NCAPG2: variants seen among roughly 807,000 people sequenced by gnomAD.
NCAPG2 encodes non-SMC condensin II complex subunit G2.
A neutral mutation model predicts 141.1 loss-of-function variants in NCAPG2; 53 were observed. That is an observed-to-expected ratio of 0.38 (90% CI 0.30 to 0.47). The LOEUF is 0.47. Among genes scored for constraint, NCAPG2 ranks in the 20% least tolerant of loss-of-function variants. The pLI, the probability that NCAPG2 is intolerant of heterozygous loss-of-function variation, is 0.99. For synonymous variants in NCAPG2, 499 were observed against 490.7 expected (o/e 1.02, Z -0.22); for missense variants, 1,087 against 1,389.0 (o/e 0.78, Z 3.46).
At chr7:158,682,378 A>G (rs756896246) in intron 9 of NCAPG2, among the ~76,000 whole-genome samples, 3 of 152,162 alleles carry the variant, frequency 2.0e-5, no homozygotes, top group Non-Finnish European at 2.9e-5. Context: ...TTCATTGAAT[A>G]TATTTATCCT....
At chr7:158,677,204 A>G (rs1834111946) in intron 11 of NCAPG2, among the ~76,000 whole-genome samples, 2 of 152,220 alleles carry the variant, frequency 1.3e-5, no homozygotes, top group South Asian at 2.1e-4. Context: ...AAGAACAAAA[A>G]AAGAGCCAGC....
intron 14 of NCAPG2, 83 bp downstream of exon 14, chr7:158,664,445 T>G: frequency 6.5e-7 from 1 of 1,531,954 alleles, no homozygotes; most frequent in Non-Finnish European, 8.9e-7. Flanking sequence ...GCTTATTAAA[T>G]TGACAAATAC....
At chr7:158,682,434 G>A (rs1834506415) in intron 9 of NCAPG2, among the ~76,000 whole-genome samples, 1 of 152,082 alleles carries the variant, frequency 6.6e-6, no homozygotes, top group Non-Finnish European at 1.5e-5. Context: ...AAACTCAGTA[G>A]TCTAGATAAA....
At chr7:158,692,803 C>A (rs1412129611) in intron 4 of NCAPG2, 39 bp downstream of exon 4, 1 of 1,114,676 alleles carries the variant, frequency 9.0e-7, no homozygotes, top group East Asian at 2.4e-5. Context: ...ATTTCAACAC[C>A]CACTTCTAAA....
chr7:158,636,306 T>C (rs758129368), intron 27 of NCAPG2, among the ~76,000 whole-genome samples: 3 of 152,162 alleles, frequency 2.0e-5, no homozygotes, highest in Admixed American at 6.5e-5. Context: ...GCATTCCTAG[T>C]GAGAAACCAA....
rs149580037 is a variant in NCAPG2, at chr7:158,678,384, A to G, written c.1146+1576T>C. Among the ~76,000 whole-genome samples, 24 of 152,356 alleles carry G rather than the reference A, an allele frequency of 1.6e-4. 1 individual carries two copies. The highest frequency in any genetic ancestry group is 5.3e-4 in the African/African-American group (22 of 41,588). ...CCAGACCCAGCTGGTACCTGCTCCTACACAGCCCACAGTGCTAAGAATGGT... is the reference window on the plus strand; with the variant it reads ...CCAGACCCAGCTGGTACCTGCTCCTGCACAGCCCACAGTGCTAAGAATGGT... On this transcript the variant is annotated intron_variant, in intron 11 of 27. Transcript: ENST00000356309.
intron 15 of NCAPG2, 48 bp from the exon 16 acceptor site, chr7:158,662,415 A>T (rs764404718): frequency 8.2e-6 from 12 of 1,455,936 alleles, no homozygotes; most frequent in Non-Finnish European, 1.1e-5. Context: ...CATAGCAACT[A>T]CTAAAAGGTA....
At chr7:158,665,760 T>C (rs905890920) in intron 13 of NCAPG2, among the ~76,000 whole-genome samples, 3 of 152,090 alleles carry the variant, frequency 2.0e-5, no homozygotes, top group Admixed American at 2.0e-4. Context: ...GACAATGCAG[T>C]CCACCCTCAC....
chr7:158,700,544 T>C (rs1341803906), intron 2 of NCAPG2, among the ~76,000 whole-genome samples: 2 of 152,262 alleles, frequency 1.3e-5, no homozygotes, highest in Non-Finnish European at 2.9e-5. Context: ...TATACACTGC[T>C]ACTGCTAAAG....
At chr7:158,678,503 T>G (rs566788414) in intron 11 of NCAPG2, among the ~76,000 whole-genome samples, 73 of 152,260 alleles carry the variant, frequency 4.8e-4, no homozygotes, top group Middle Eastern at 3.4e-3. Flanking sequence ...CCACAAAATT[T>G]TTTTCTTTTT....
intron 2 of NCAPG2, 131 bp downstream of exon 2, chr7:158,701,691 T>A: frequency 1.2e-6 from 1 of 832,440 alleles, no homozygotes; most frequent in Non-Finnish European, 1.9e-6. Context: ...TTTTGTTTTC[T>A]TCTTTCAAAT....
chr7:158,651,092 T>C lies in NCAPG2; in HGVS notation c.2935-120A>G, dbSNP rs184475162. ...CCCCCAGGACTCAAGGAGTCACTGA[T>C]CTTGTTTGCCTGCTACCAGTGCCCA... On this transcript the variant is annotated intron_variant, in intron 23 of 27. Coordinates refer to ENST00000356309, the MANE Select transcript of NCAPG2 (RefSeq NM_017760.7). The C allele has an allele frequency of 1.0e-4, 111 of 1,096,744 alleles. No homozygotes were observed. In the African/African-American group the frequency reaches 1.2e-3, roughly 12 times the overall value. 67.9% of individuals were successfully genotyped at this position (1,096,744 alleles called of 1,614,324 possible).
rs540969565 is a variant in NCAPG2 at position 158,669,976 on chromosome 7, G to C, written c.1479+1538C>G. ...AGTTTATATGAAATGCAAAAGACCT[G>C]AAGTAGCCAAAGAATTCTGGAAGAA... On this transcript the variant is annotated intron_variant, in intron 13 of 27. Coordinates refer to ENST00000356309, the MANE Select transcript of NCAPG2 (RefSeq NM_017760.7). 2.8e-4 allele frequency among the ~76,000 whole-genome samples: 42 copies of C among 152,102 alleles called. No individual in the cohort carries two copies. The South Asian group carries it at 7.9e-3, about 29-fold the overall frequency.
intron 5 of NCAPG2, 39 bp downstream of exon 5, chr7:158,690,529 G>C (rs1343540523): frequency 1.6e-5 from 25 of 1,588,064 alleles, no homozygotes; most frequent in Non-Finnish European, 2.1e-5. Flanking sequence ...GGGCAATAGA[G>C]AGAGACCCTG....
chr7:158,685,601 C>G (rs1758194537), intron 8 of NCAPG2, among the ~76,000 whole-genome samples: 1 of 151,938 alleles, frequency 6.6e-6, no homozygotes, highest in African/African-American at 2.4e-5. Context: ...AATACAGTGT[C>G]AATGTTATGG....
intron 16 of NCAPG2, among the ~76,000 whole-genome samples, chr7:158,661,653 C>T (rs1288781132): frequency 6.6e-6 from 1 of 152,140 alleles, no homozygotes; most frequent in Admixed American, 6.5e-5. Context: ...TTGGCCATTC[C>T]ACAATGTGTA....
At chr7:158,670,308 G>A (rs1025386301) in intron 13 of NCAPG2, among the ~76,000 whole-genome samples, 12 of 152,160 alleles carry the variant, frequency 7.9e-5, no homozygotes, top group African/African-American at 2.4e-4. Flanking sequence ...GCTCACACCT[G>A]TAATCCCAGC....
chr7:158,644,082 CTTTTG>C (rs775574108), intron 27 of NCAPG2, among the ~76,000 whole-genome samples: 3 of 152,296 alleles, frequency 2.0e-5, no homozygotes, highest in Middle Eastern at 3.4e-3. Context: ...GCAAATGACA[CTTTTG>C]TTTTGTTTTT....
intron 16 of NCAPG2, 104 bp downstream of exon 16, chr7:158,662,090 G>C (rs1179817865): frequency 1.8e-6 from 2 of 1,112,176 alleles, no homozygotes; most frequent in Non-Finnish European, 2.5e-6. Flanking sequence ...TTTTACAGAT[G>C]AGAACACAGA....
Sources: allele counts gnomAD v4.1 joint callset (sites outside exome capture counted in the v4.1 genomes callset), GRCh38; gene constraint gnomAD v4.1.1; transcripts MANE v1.5; gene names NCBI Gene and HGNC (gene_info 2026-07-23, HGNC 2026-07-21).